The following RALGPS2 variants were observed in gnomAD, a reference collection of about 807,000 sequenced individuals.
The protein encoded by RALGPS2 is Ral GEF with PH domain and SH3 binding motif 2.
A neutral mutation model predicts 86.8 loss-of-function variants in RALGPS2; 43 were observed. The ratio of observed to expected loss-of-function variants is 0.50; its 90% CI spans 0.39 to 0.64. The LOEUF (loss-of-function observed/expected upper bound fraction) is 0.64. Ranked by LOEUF, RALGPS2 falls within the 30% of genes least tolerant of loss-of-function variation. RALGPS2 has a pLI of 0.00. For missense variants in RALGPS2, 536 were observed against 694.6 expected (o/e 0.77, Z 2.57); for synonymous variants, 243 against 231.3 (o/e 1.05, Z -0.46).
intron 1 of RALGPS2, among the ~76,000 whole-genome samples, chr1:178,748,363 C>G (rs1477499899): frequency 6.6e-6 from 1 of 151,678 alleles, no homozygotes; most frequent in East Asian, 1.9e-4. Context: ...ACCAGCAGCT[C>G]CACTCCTAGG....
chr1:178,813,133 A>G (rs1240767901), intron 6 of RALGPS2, among the ~76,000 whole-genome samples: 2 of 151,904 alleles, frequency 1.3e-5, no homozygotes, highest in East Asian at 1.9e-4. Flanking sequence ...GGGTTTCACC[A>G]TGTTGGGCCA....
intron 8 of RALGPS2, among the ~76,000 whole-genome samples, chr1:178,837,549 G>T (rs1656339942): frequency 6.6e-6 from 1 of 152,124 alleles, no homozygotes; most frequent in Admixed American, 6.6e-5. Context: ...AAAGGCAGCG[G>T]GGAGGGTTCC....
intron 1 of RALGPS2, among the ~76,000 whole-genome samples, chr1:178,737,282 G>T (rs1157329711): frequency 2.6e-5 from 4 of 152,138 alleles, no homozygotes; most frequent in Non-Finnish European, 5.9e-5. Context: ...GTCTTGCTCT[G>T]TCGCCCAGGC....
At chr1:178,907,975 C>G (rs1265179480) in intron 19 of RALGPS2, among the ~76,000 whole-genome samples, 2 of 152,066 alleles carry the variant, frequency 1.3e-5, no homozygotes, top group East Asian at 1.9e-4. Context: ...GGTACTTGTG[C>G]AGGTTTGTTA....
chr1:178,818,836 T>G (rs1655358253), intron 6 of RALGPS2, among the ~76,000 whole-genome samples: 1 of 152,214 alleles, frequency 6.6e-6, no homozygotes, highest in South Asian at 2.1e-4. Context: ...GTTCTTTGTG[T>G]CCACAACTCT....
At chr1:178,873,967 G>A (rs940759529) in intron 8 of RALGPS2, among the ~76,000 whole-genome samples, 1 of 151,648 alleles carries the variant, frequency 6.6e-6, no homozygotes, top group South Asian at 2.1e-4. Context: ...TACAAGCTCC[G>A]CCTCCTGGGT....
chr1:178,769,639 T>A (rs1652684946), intron 1 of RALGPS2, among the ~76,000 whole-genome samples: 1 of 152,154 alleles, frequency 6.6e-6, no homozygotes. Flanking sequence ...GAGAGCTTGC[T>A]GGGGTACCCA....
At chr1:178,788,327 T>C (rs1653770404) in intron 4 of RALGPS2, among the ~76,000 whole-genome samples, 4 of 152,210 alleles carry the variant, frequency 2.6e-5, no homozygotes, top group Admixed American at 2.6e-4. Flanking sequence ...ATTTAAAACA[T>C]CTAGTTTAGT....
intron 8 of RALGPS2, among the ~76,000 whole-genome samples, chr1:178,836,005 A>G (rs1042658478): frequency 6.6e-6 from 1 of 152,140 alleles, no homozygotes; most frequent in African/African-American, 2.4e-5. Context: ...TTATGCTGTG[A>G]TTTCTAGTTG....
intron 19 of RALGPS2, among the ~76,000 whole-genome samples, chr1:178,915,028 TGTATTAG>T (rs557156620): frequency 1.2e-3 from 187 of 152,316 alleles, no homozygotes; most frequent in Non-Finnish European, 2.4e-3. Flanking sequence ...TTTCTTTTAC[TGTATTAG>T]TGAGTATTTC....
chr1:178,885,726 A>C (rs1324428821), intron 12 of RALGPS2: 4 of 313,942 alleles, frequency 1.3e-5, no homozygotes, highest in Non-Finnish European at 2.3e-5. Context: ...GTGAATGTGG[A>C]AACAATTTTT....
At chr1:178,915,347 T>C (rs1660772919) in intron 19 of RALGPS2, among the ~76,000 whole-genome samples, 2 of 152,192 alleles carry the variant, frequency 1.3e-5, no homozygotes, top group African/African-American at 4.8e-5. Flanking sequence ...GCCATTCTCC[T>C]GCCTCAGCCT....
At position 178,765,372 on chromosome 1, in the gene RALGPS2, G is replaced by A. The variant is rs115657850; in HGVS notation, c.-83-11310G>A. 7.0e-3 allele frequency among the ~76,000 whole-genome samples: 1,062 copies of A among 152,166 alleles called. 8 individuals carry two copies. The highest frequency in any genetic ancestry group is 9.2e-3 in the Non-Finnish European group (628 of 68,008). ...GAGACTTCACATGTCGGCAGGTTCC[G>A]TGATGCCCCCAAAGCCGCAAAACCA... On this transcript the variant is annotated intron_variant, in intron 1 of 19. Coordinates refer to ENST00000367635, the MANE Select transcript of RALGPS2 (RefSeq NM_152663.5).
chr1:178,757,030 C>T (rs781423947), intron 1 of RALGPS2, among the ~76,000 whole-genome samples: 5 of 151,952 alleles, frequency 3.3e-5, no homozygotes, highest in African/African-American at 4.8e-5. Flanking sequence ...TTGTTTGTTT[C>T]TATGTATTCC....
intron 1 of RALGPS2, among the ~76,000 whole-genome samples, chr1:178,734,353 G>T (rs1184147882): frequency 6.6e-6 from 1 of 152,198 alleles, no homozygotes; most frequent in Non-Finnish European, 1.5e-5. Context: ...TCCTCTCCTA[G>T]AACAGCAGAT....
chr1:178,869,432 A>T (rs1305778253), intron 8 of RALGPS2, among the ~76,000 whole-genome samples: 1 of 152,132 alleles, frequency 6.6e-6, no homozygotes, highest in Non-Finnish European at 1.5e-5. Flanking sequence ...TCCCCTGGAT[A>T]TATTTAAGAA....
At chr1:178,726,695 C>T (rs1195081587) in intron 1 of RALGPS2, among the ~76,000 whole-genome samples, 1 of 152,110 alleles carries the variant, frequency 6.6e-6, no homozygotes, top group Non-Finnish European at 1.5e-5. Context: ...AGAGCCTTTT[C>T]TTACCAGTGT....
chr1:178,764,481 G>C (rs191051507), intron 1 of RALGPS2, among the ~76,000 whole-genome samples: 1 of 152,140 alleles, frequency 6.6e-6, no homozygotes, highest in Non-Finnish European at 1.5e-5. Context: ...TAAGTATTGC[G>C]ATGTGTGGAT....
chr1:178,827,392 A>ATTTT lies in RALGPS2; in HGVS notation c.480+5705_480+5708dup, dbSNP rs748058137. Among the ~76,000 whole-genome samples, 16 of 132,012 alleles carry ATTTT rather than the reference A, an allele frequency of 1.2e-4. 1 individual carries two copies. The highest frequency in any genetic ancestry group is 3.9e-4 in the African/African-American group (13 of 32,930). 86.6% of individuals were successfully genotyped at this position (132,012 alleles called of 152,430 possible). ...AAAGCTAGAGACATCATACTCTCTG[A>ATTTT]TTTTTTTTTTTTTTTTTTTTGAGAC... is the stretch of plus-strand genomic sequence containing the variant. On this transcript the variant is annotated intron_variant, in intron 7 of 19. Coordinates refer to ENST00000367635, the MANE Select transcript of RALGPS2 (RefSeq NM_152663.5).
Sources: allele counts gnomAD v4.1 joint callset (sites outside exome capture counted in the v4.1 genomes callset), GRCh38; gene constraint gnomAD v4.1.1; transcripts MANE v1.5; gene names NCBI Gene and HGNC (gene_info 2026-07-23, HGNC 2026-07-21).